ABI3BP: variants seen among roughly 807,000 people sequenced by gnomAD.
ABI3BP encodes the protein target of Nesh-SH3.
ABI3BP carries 216 observed loss-of-function variants against 268.6 expected under a neutral mutation model. That is an observed-to-expected ratio of 0.80 (90% CI 0.72 to 0.90). The LOEUF (loss-of-function observed/expected upper bound fraction) is 0.90. ABI3BP is among the 40% of genes least tolerant of loss of function. ABI3BP has a pLI of 0.00. For missense variants in ABI3BP, 2,090 were observed against 2,182.4 expected (o/e 0.96, Z 0.84); for synonymous variants, 730 against 730.0 (o/e 1.00, Z 0.00).
chr3:100,987,697 T>A (rs1290734424), intron 1 of ABI3BP, among the ~76,000 whole-genome samples: 1 of 152,228 alleles, frequency 6.6e-6, no homozygotes, highest in South Asian at 2.1e-4. Context: ...TGGAAAATTT[T>A]TATGCAGCAA....
intron 40 of ABI3BP, 80 bp from the exon 41 acceptor site, chr3:100,818,661 A>G (rs2098123995): frequency 1.8e-6 from 2 of 1,131,488 alleles, no homozygotes; most frequent in Non-Finnish European, 2.5e-6. Context: ...CAATCAGTAT[A>G]TAGCAATTTT....
At chr3:100,928,028 T>C (rs1197510480) in intron 1 of ABI3BP, among the ~76,000 whole-genome samples, 1 of 151,708 alleles carries the variant, frequency 6.6e-6, no homozygotes, top group East Asian at 1.9e-4. Context: ...CCATTCAATC[T>C]TTCTTTAATC....
chr3:100,922,571 C>CGATGGT (rs1245322037), intron 2 of ABI3BP, among the ~76,000 whole-genome samples: 57 of 148,372 alleles, frequency 3.8e-4, no homozygotes, highest in African/African-American at 1.1e-3. Flanking sequence ...ATGGCGATGG[C>CGATGGT]GATGGTGATG....
chr3:100,852,088 T>G, intron 14 of ABI3BP, 148 bp from the exon 15 acceptor site: 3 of 672,508 alleles, frequency 4.5e-6, no homozygotes, highest in Non-Finnish European at 7.4e-6. Context: ...GCTGCCAGCC[T>G]TGTCACTAAC....
chr3:100,862,180 TCAA>T, intron 14 of ABI3BP, 128 bp downstream of exon 14: 1 of 683,676 alleles, frequency 1.5e-6, no homozygotes, highest in Non-Finnish European at 2.4e-6. Flanking sequence ...CATCTCAGTA[TCAA>T]CAAATGTATG....
At position 100,942,819 on chromosome 3, in the gene ABI3BP, C is replaced by T. The variant is rs549751618; in HGVS notation, c.80-16338G>A. ...AGCTGTATGGATATTCTGGTGAATA[C>T]TCAAGTTTGAGAGCCATTACTCTTT... On this transcript the variant is annotated intron_variant, in intron 1 of 67. Coordinates refer to ENST00000471714, the MANE Select transcript of ABI3BP (RefSeq NM_001375547.2). 5.8e-4 allele frequency among the ~76,000 whole-genome samples: 88 copies of T among 152,182 alleles called. 1 individual carries two copies. The highest frequency in any genetic ancestry group is 2.1e-3 in the African/African-American group (86 of 41,550).
At chr3:100,912,652 G>A (rs1288158321) in intron 2 of ABI3BP, among the ~76,000 whole-genome samples, 1 of 152,138 alleles carries the variant, frequency 6.6e-6, no homozygotes, top group Non-Finnish European at 1.5e-5. Context: ...ATTCAGACCT[G>A]AGCGGGTATA....
intron 50 of ABI3BP, among the ~76,000 whole-genome samples, chr3:100,805,136 T>C (rs2097666842): frequency 6.6e-6 from 1 of 152,128 alleles, no homozygotes; most frequent in Non-Finnish European, 1.5e-5. Flanking sequence ...TTTAGAAATC[T>C]TTATTTCAGA....
chr3:100,980,624 G>C (rs1451844386), intron 1 of ABI3BP, among the ~76,000 whole-genome samples: 1 of 152,236 alleles, frequency 6.6e-6, no homozygotes, highest in African/African-American at 2.4e-5. Flanking sequence ...CAAAGAGTGA[G>C]AGGAAAATTT....
At chr3:100,811,097 G>A (rs947523361) in intron 48 of ABI3BP, 133 bp downstream of exon 48, 7 of 696,214 alleles carry the variant, frequency 1.0e-5, no homozygotes, top group Non-Finnish European at 1.6e-5. Context: ...GGAGCACCTT[G>A]AAAGAAAAGT....
At chr3:100,951,556 T>C (rs928581649) in intron 1 of ABI3BP, among the ~76,000 whole-genome samples, 1 of 152,002 alleles carries the variant, frequency 6.6e-6, no homozygotes, top group African/African-American at 2.4e-5. Flanking sequence ...ACTGACACTT[T>C]TGTTGATGCG....
At chr3:100,857,786 A>G (rs1233316374) in intron 14 of ABI3BP, among the ~76,000 whole-genome samples, 1 of 152,230 alleles carries the variant, frequency 6.6e-6, no homozygotes, top group Non-Finnish European at 1.5e-5. Flanking sequence ...TCACTTTAAG[A>G]TAAAAGACAA....
intron 1 of ABI3BP, among the ~76,000 whole-genome samples, chr3:100,929,783 ATT>A (rs751785269): frequency 6.6e-6 from 1 of 151,946 alleles, no homozygotes; most frequent in Non-Finnish European, 1.5e-5. Flanking sequence ...CCCAGTATGG[ATT>A]CCCTCTATCT....
At chr3:100,933,714 A>G (rs2153677424) in intron 1 of ABI3BP, among the ~76,000 whole-genome samples, 1 of 151,848 alleles carries the variant, frequency 6.6e-6, no homozygotes, top group African/African-American at 2.4e-5. Flanking sequence ...AAGAAAAAAC[A>G]TGAAAAAAAT....
At chr3:100,825,392 A>G (rs62274056) in intron 35 of ABI3BP, among the ~76,000 whole-genome samples, 27 of 151,624 alleles carry the variant, frequency 1.8e-4, no homozygotes, top group African/African-American at 3.9e-4. Context: ...TTTTTTTTAA[A>G]TCTAGAAACT....
Position 100,905,449 on chromosome 3 carries a change from T to C in ABI3BP, c.260-2763A>G, listed in dbSNP as rs553073367. On this transcript the variant is annotated intron_variant, in intron 2 of 67. Coordinates refer to ENST00000471714, the MANE Select transcript of ABI3BP (RefSeq NM_001375547.2). The stretch of plus-strand genomic sequence containing the variant: ...AAATACGAATGACCAAGAAACCCTA[T>C]CATATCCTTTCTTACTCATGTATTA... Among the ~76,000 whole-genome samples the C allele has an allele frequency of 2.6e-5, 4 of 151,930 alleles. No homozygotes were observed. The East Asian group carries it at 7.7e-4, about 29-fold the overall frequency.
chr3:100,803,113 C>A (rs1475828173), intron 51 of ABI3BP, among the ~76,000 whole-genome samples: 2 of 146,140 alleles, frequency 1.4e-5, no homozygotes, highest in African/African-American at 4.9e-5. Context: ...AGAAACTTAA[C>A]TCTGAACATG....
chr3:100,955,811 G>T (rs2076610706), intron 1 of ABI3BP, among the ~76,000 whole-genome samples: 1 of 152,030 alleles, frequency 6.6e-6, no homozygotes, highest in African/African-American at 2.4e-5. Flanking sequence ...AACAAACAGT[G>T]AATAAAACAA....
intron 28 of ABI3BP, among the ~76,000 whole-genome samples, 176 bp from the exon 29 acceptor site, chr3:100,834,949 G>A (rs2098552408): frequency 6.6e-6 from 1 of 152,022 alleles, no homozygotes; most frequent in Non-Finnish European, 1.5e-5. Context: ...CTACTGACAG[G>A]TCTTTTGAGA....
Sources: allele counts gnomAD v4.1 joint callset (sites outside exome capture counted in the v4.1 genomes callset), GRCh38; gene constraint gnomAD v4.1.1; transcripts MANE v1.5; gene names NCBI Gene and HGNC (gene_info 2026-07-23, HGNC 2026-07-21).